The following RFTN2 variants were observed in gnomAD, a reference collection of about 807,000 sequenced individuals.
RFTN2 encodes the protein raftlin-2.
In RFTN2, 34 loss-of-function variants were observed where a neutral mutation model predicts 52.7. The ratio of observed to expected loss-of-function variants is 0.64; its 90% CI spans 0.49 to 0.86. The LOEUF is 0.86. RFTN2 is among the 40% of genes least tolerant of loss of function. The probability of loss-of-function intolerance (pLI) is 0.00; values close to 1 mark genes in which losing one functional copy is unlikely to be tolerated. For synonymous variants in RFTN2, 203 were observed against 217.7 expected (o/e 0.93, Z 0.59); for missense variants, 536 against 600.1 (o/e 0.89, Z 1.12).
chr2:197,579,574 G>A lies in RFTN2; in HGVS notation c.1234-7294C>T, dbSNP rs1029667516. Among the ~76,000 whole-genome samples, 6 of 152,028 alleles carry A rather than the reference G, an allele frequency of 3.9e-5. No homozygotes were observed. In the East Asian group the frequency reaches 1.2e-3, roughly 29 times the overall value. On this transcript the variant is annotated intron_variant, in intron 8 of 8. Transcript: ENST00000295049. ...AATTCTTGTCGTGAAATGGGCAAAC[G>A]GTCTGAGATGCCTGACGTCCAGGCA...
At chr2:197,673,467 G>A (rs1295660161) in intron 1 of RFTN2, among the ~76,000 whole-genome samples, 1 of 152,148 alleles carries the variant, frequency 6.6e-6, no homozygotes. Context: ...AAAACATGGG[G>A]AAAAATTGGA....
chr2:197,585,013 C>T (rs977289431), intron 8 of RFTN2, among the ~76,000 whole-genome samples: 1 of 152,148 alleles, frequency 6.6e-6, no homozygotes, highest in Non-Finnish European at 1.5e-5. Context: ...CCCCAACTGC[C>T]GTCCACCTGC....
intron 5 of RFTN2, among the ~76,000 whole-genome samples, chr2:197,630,512 G>C (rs1369972516): frequency 6.6e-6 from 1 of 152,118 alleles, no homozygotes; most frequent in Non-Finnish European, 1.5e-5. Context: ...GCTAGAGAGG[G>C]ATGAAAGACA....
chr2:197,618,270 T>G (rs1270790481), intron 5 of RFTN2, among the ~76,000 whole-genome samples: 1 of 152,096 alleles, frequency 6.6e-6, no homozygotes, highest in Admixed American at 6.5e-5. Context: ...ATTTTTTTGG[T>G]GGAGACGGGG....
chr2:197,608,386 A>C (rs899725453), intron 7 of RFTN2, among the ~76,000 whole-genome samples: 5 of 147,288 alleles, frequency 3.4e-5, no homozygotes. Context: ...ATGTTGGCTC[A>C]CTGCAACCCC....
At chr2:197,655,179 A>G (rs1015556772) in intron 1 of RFTN2, among the ~76,000 whole-genome samples, 8 of 152,338 alleles carry the variant, frequency 5.3e-5, no homozygotes, top group African/African-American at 1.9e-4. Flanking sequence ...ACAACATGTT[A>G]AAATAATCAC....
intron 1 of RFTN2, among the ~76,000 whole-genome samples, chr2:197,671,117 C>G (rs1481223070): frequency 6.6e-6 from 1 of 152,204 alleles, no homozygotes; most frequent in African/African-American, 2.4e-5. Context: ...ACTACTTGTT[C>G]AAAAAGCCTT....
intron 7 of RFTN2, among the ~76,000 whole-genome samples, chr2:197,608,487 T>C (rs2087998161): frequency 1.3e-5 from 2 of 151,816 alleles, no homozygotes; most frequent in Admixed American, 1.3e-4. Flanking sequence ...AATTTTTTTG[T>C]ATTTTTAGTA....
intron 7 of RFTN2, among the ~76,000 whole-genome samples, chr2:197,611,190 C>A (rs2088053227): frequency 6.6e-6 from 1 of 152,178 alleles, no homozygotes; most frequent in Non-Finnish European, 1.5e-5. Context: ...AGGAATGGTA[C>A]CAGCTCCTCT....
chr2:197,584,224 C>T (rs575820494), intron 8 of RFTN2, among the ~76,000 whole-genome samples: 109 of 152,290 alleles, frequency 7.2e-4, no homozygotes, highest in Middle Eastern at 3.4e-3. Context: ...AATGGTTGAA[C>T]CAGTTTACAG....
intron 1 of RFTN2, among the ~76,000 whole-genome samples, chr2:197,650,951 T>C (rs1176228241): frequency 6.6e-6 from 1 of 152,220 alleles, no homozygotes; most frequent in African/African-American, 2.4e-5. Context: ...TCACTAACAC[T>C]TGTTTCTTTG....
At position 197,633,721 on chromosome 2, in the gene RFTN2, C is replaced by T. The variant is rs1574726167; in HGVS notation, c.715G>A (p.Glu239Lys). The change falls in exon 4 of 9, where the codon GAA becomes AAA. Residue 239 changes from glutamate (E) to lysine (K), a missense_variant. Physicochemically the swap from Glu to Lys is moderately conservative, Grantham distance 56. Transcript: ENST00000295049. ...SPTSSKSRKGEASDNKLYTVF... is the reference protein window; with the variant it reads ...SPTSSKSRKGKASDNKLYTVF... ...TTCTACTAATCTTGTCTATTACCTT[C>T]TCCCTTTCTTGATTTAGAGGAAGTA... 1 of 1,612,490 alleles carries T rather than the reference C, an allele frequency of 6.2e-7. No individual in the cohort carries two copies. Among genetic ancestry groups the T allele is most frequent in the Non-Finnish European group, 8.5e-7 (1 of 1,178,862 alleles).
intron 8 of RFTN2, among the ~76,000 whole-genome samples, chr2:197,591,643 C>A (rs1297507010): frequency 6.6e-6 from 1 of 152,172 alleles, no homozygotes; most frequent in Non-Finnish European, 1.5e-5. Flanking sequence ...GTGCAGGAGC[C>A]CACGGTGGTG....
intron 8 of RFTN2, among the ~76,000 whole-genome samples, chr2:197,589,520 T>A (rs2087662386): frequency 6.6e-6 from 1 of 152,194 alleles, no homozygotes; most frequent in African/African-American, 2.4e-5. Flanking sequence ...TTCTCCCCAG[T>A]TCTTGGTATT....
intron 7 of RFTN2, among the ~76,000 whole-genome samples, chr2:197,597,895 C>T (rs745340598): frequency 2.6e-5 from 4 of 152,178 alleles, no homozygotes; most frequent in Non-Finnish European, 1.5e-5. Flanking sequence ...TCCCATTGTG[C>T]TTGCCACAAG....
At chr2:197,610,542 A>G (rs1044211118) in intron 7 of RFTN2, among the ~76,000 whole-genome samples, 2 of 152,214 alleles carry the variant, frequency 1.3e-5, no homozygotes, top group African/African-American at 2.4e-5. Context: ...TAAATATACA[A>G]TCATGTCTTC....
intron 8 of RFTN2, among the ~76,000 whole-genome samples, chr2:197,585,239 G>C (rs1418304680): frequency 6.6e-6 from 1 of 151,878 alleles, no homozygotes; most frequent in South Asian, 2.1e-4. Flanking sequence ...TTTGCAACAG[G>C]GCTTTATGCA....
intron 7 of RFTN2, among the ~76,000 whole-genome samples, chr2:197,608,368 G>C (rs1295753237): frequency 1.3e-5 from 2 of 149,140 alleles, no homozygotes; most frequent in African/African-American, 5.0e-5. Flanking sequence ...CTGGCGTGCA[G>C]TGGCATGATG....
At chr2:197,632,236 C>T (rs1048715463) in intron 4 of RFTN2, among the ~76,000 whole-genome samples, 3 of 152,230 alleles carry the variant, frequency 2.0e-5, no homozygotes, top group East Asian at 1.9e-4. Context: ...CATTCTGATA[C>T]GGTTTGGCTG....
Sources: gnomAD v4.1 joint callset for allele counts (sites outside exome capture counted in the v4.1 genomes callset) on GRCh38, gnomAD v4.1.1 for gene constraint, MANE v1.5 for transcripts, NCBI Gene and HGNC (gene_info 2026-07-23, HGNC 2026-07-21) for gene names.